The following CNBD1 variants were observed in gnomAD, a reference collection of about 807,000 sequenced individuals.
The protein encoded by CNBD1 is cyclic nucleotide binding domain containing 1, also known as cyclic nucleotide-binding domain-containing protein 1.
Under a neutral mutation model 54.4 loss-of-function variants are expected in CNBD1, and 71 were observed. The ratio of observed to expected loss-of-function variants is 1.30; its 90% confidence interval spans 1.08 to 1.59. CNBD1 has a LOEUF of 1.59. Among genes scored for constraint, CNBD1 ranks in the 40% most tolerant of loss-of-function variants. The probability of loss-of-function intolerance (pLI) is 0.00; values close to 1 mark genes in which losing one functional copy is unlikely to be tolerated. For synonymous variants in CNBD1, 182 were observed against 170.7 expected, an observed-to-expected ratio of 1.07 and a Z score of -0.51; for missense variants, 659 against 518.0, an observed-to-expected ratio of 1.27 and a Z score of -2.64.
intron 4 of CNBD1, among the ~76,000 whole-genome samples, chr8:87,150,052 C>A (rs999687361): frequency 1.3e-5 from 2 of 152,060 alleles, no homozygotes; most frequent in Non-Finnish European, 2.9e-5. Flanking sequence ...TGGCGGGCAC[C>A]TGTAGTCCCA....
intron 2 of CNBD1, among the ~76,000 whole-genome samples, chr8:87,393,967 A>G (rs1184899690): frequency 1.3e-5 from 2 of 151,862 alleles, no homozygotes; most frequent in Non-Finnish European, 2.9e-5. Flanking sequence ...CACAATATGT[A>G]ATGCACTTAC....
At chr8:86,906,493 CAT>C (rs372779701) in intron 3 of CNBD1, among the ~76,000 whole-genome samples, 64,912 of 151,824 alleles carry the variant, frequency 0.43, 14,489 homozygotes, top group African/African-American at 0.56. Context: ...GATGTACATA[CAT>C]CTGGAATGAT....
intron 6 of CNBD1, among the ~76,000 whole-genome samples, chr8:87,279,800 C>T (rs1243895087): frequency 1.3e-5 from 2 of 151,024 alleles, no homozygotes; most frequent in East Asian, 1.9e-4. Context: ...TTACCTTTTC[C>T]ACTTCTCAGA....
At chr8:87,379,348 C>G (rs923733634) in intron 10 of CNBD1, among the ~76,000 whole-genome samples, 1 of 151,804 alleles carries the variant, frequency 6.6e-6, no homozygotes, top group African/African-American at 2.4e-5. Context: ...CAAGGATACC[C>G]AGGAATTGAA....
chr8:87,361,980 A>G (rs10095436), intron 10 of CNBD1, among the ~76,000 whole-genome samples: 12 of 151,702 alleles, frequency 7.9e-5, no homozygotes, highest in Non-Finnish European at 1.3e-4. Context: ...GAGATGAAAC[A>G]CTTTTAATTC....
At chr8:86,958,610 A>G (rs190738508) in intron 4 of CNBD1, among the ~76,000 whole-genome samples, 2 of 151,756 alleles carry the variant, frequency 1.3e-5, no homozygotes, top group East Asian at 3.9e-4. Flanking sequence ...TTTGGTCTTT[A>G]TTGGTTTAAA....
At chr8:87,262,065 G>T (rs1309312803) in intron 6 of CNBD1, among the ~76,000 whole-genome samples, 1 of 152,024 alleles carries the variant, frequency 6.6e-6, no homozygotes, top group Non-Finnish European at 1.5e-5. Flanking sequence ...GAGGAAGGAG[G>T]ATCACTTGAA....
At chr8:86,931,061 C>T (rs1285956143) in intron 3 of CNBD1, among the ~76,000 whole-genome samples, 2 of 152,138 alleles carry the variant, frequency 1.3e-5, no homozygotes, top group African/African-American at 4.8e-5. Flanking sequence ...TAATATGTCC[C>T]TCCCTAATAA....
chr8:87,172,763 C>T (rs1410953751), intron 4 of CNBD1, among the ~76,000 whole-genome samples: 1 of 151,568 alleles, frequency 6.6e-6, no homozygotes, highest in Non-Finnish European at 1.5e-5. Flanking sequence ...CTGTGTGTAT[C>T]TTTATAATTG....
At chr8:87,424,841 G>C (rs1191127848) in intron 2 of CNBD1, among the ~76,000 whole-genome samples, 1 of 152,046 alleles carries the variant, frequency 6.6e-6, no homozygotes, top group Non-Finnish European at 1.5e-5. Context: ...GGCATTCTCT[G>C]TATTTCCTGA....
chr8:86,876,988 T>G (rs1808530168), intron 1 of CNBD1, among the ~76,000 whole-genome samples: 1 of 152,070 alleles, frequency 6.6e-6, no homozygotes, highest in Admixed American at 6.5e-5. Context: ...TATACCTAAA[T>G]CAAATGTCTA....
intron 1 of CNBD1, among the ~76,000 whole-genome samples, chr8:86,869,150 CCA>C (rs1808406101): frequency 6.6e-6 from 1 of 152,138 alleles, no homozygotes; most frequent in Admixed American, 6.5e-5. Flanking sequence ...GTTCTCATTT[CCA>C]GAACTGTTAG....
intron 10 of CNBD1, among the ~76,000 whole-genome samples, chr8:87,369,733 T>TA (rs1343261908): frequency 1.3e-5 from 2 of 151,394 alleles, no homozygotes; most frequent in African/African-American, 2.4e-5. Context: ...TTCTTTTTTT[T>TA]TTATTATTAT....
intron 2 of CNBD1, among the ~76,000 whole-genome samples, chr8:87,389,566 G>A (rs1011748885): frequency 6.6e-6 from 1 of 152,068 alleles, no homozygotes; most frequent in Non-Finnish European, 1.5e-5. Context: ...ACCTCTTCAA[G>A]GAGAACTACA....
intron 4 of CNBD1, among the ~76,000 whole-genome samples, chr8:86,979,655 A>G (rs1808427631): frequency 6.6e-6 from 1 of 152,178 alleles, no homozygotes; most frequent in African/African-American, 2.4e-5. Flanking sequence ...ATATTTCTGG[A>G]TAAATAAATA....
At chr8:87,069,898 A>C (rs1479903187) in intron 4 of CNBD1, among the ~76,000 whole-genome samples, 2 of 152,118 alleles carry the variant, frequency 1.3e-5, no homozygotes, top group Non-Finnish European at 2.9e-5. Flanking sequence ...TTACTCATTC[A>C]TAATAGTGTG....
At chr8:87,138,489 C>T (rs1440652096) in intron 4 of CNBD1, among the ~76,000 whole-genome samples, 1 of 152,184 alleles carries the variant, frequency 6.6e-6, no homozygotes, top group Non-Finnish European at 1.5e-5. Flanking sequence ...TCACTTCTTA[C>T]CATCCCTGTG....
At chr8:86,873,653 A>G (rs911921469) in intron 1 of CNBD1, among the ~76,000 whole-genome samples, 10 of 151,994 alleles carry the variant, frequency 6.6e-5, no homozygotes, top group Admixed American at 5.9e-4. Context: ...CCATAAGTAA[A>G]TAAATCTTCC....
chr8:87,336,474 AATTG>A (rs1809946995), intron 8 of CNBD1, among the ~76,000 whole-genome samples: 1 of 151,708 alleles, frequency 6.6e-6, no homozygotes, highest in African/African-American at 2.4e-5. Context: ...TCTTCCTTCT[AATTG>A]ATCAATTTGG....
Sources: gnomAD v4.1 joint callset for allele counts (sites outside exome capture counted in the v4.1 genomes callset) on GRCh38, gnomAD v4.1.1 for gene constraint, MANE v1.5 for transcripts, NCBI Gene and HGNC (gene_info 2026-07-23, HGNC 2026-07-21) for gene names.